The following GNA14 variants were observed in gnomAD, a reference collection of about 807,000 sequenced individuals.
GNA14 encodes guanine nucleotide-binding protein subunit alpha-14.
A neutral mutation model predicts 42.0 loss-of-function variants in GNA14; 50 were observed. The observed-to-expected ratio is 1.19, with a 90% CI of 0.95 to 1.51. The LOEUF (loss-of-function observed/expected upper bound fraction) is 1.51, where lower values mean the gene tolerates loss of function less well. Ranked by LOEUF, GNA14 falls within the 40% of genes most tolerant of loss-of-function variation. The pLI, the probability that GNA14 is intolerant of heterozygous loss-of-function variation, is 0.00. For missense variants in GNA14, 473 were observed against 446.2 expected (o/e 1.06, Z -0.54); for synonymous variants, 173 against 163.1 (o/e 1.06, Z -0.46).
chr9:77,559,316 G>T (rs1822843017), intron 1 of GNA14, among the ~76,000 whole-genome samples: 1 of 152,196 alleles, frequency 6.6e-6, no homozygotes, highest in Non-Finnish European at 1.5e-5. Flanking sequence ...GAGGGCTCTG[G>T]CTGGGAAGTA....
chr9:77,482,244 G>C (rs528273778), intron 2 of GNA14, among the ~76,000 whole-genome samples: 2 of 151,790 alleles, frequency 1.3e-5, no homozygotes, highest in Non-Finnish European at 1.5e-5. Flanking sequence ...GGGCAGGCCT[G>C]GTGGTGACAA....
rs576994454 is a variant in GNA14 at position 77,636,707 on chromosome 9, A to C, written c.124+10963T>G. ...GAACAACCAGCTCTCTCAAGAATAC[A>C]GTGAGAACTCACTCCCAAGGGAGGG... On this transcript the variant is annotated intron_variant, in intron 1 of 6. Coordinates refer to ENST00000341700, the MANE Select transcript of GNA14 (RefSeq NM_004297.4). Among the ~76,000 whole-genome samples the C allele has an allele frequency of 5.3e-5, 8 of 152,314 alleles. No individual in the cohort carries two copies. The East Asian group carries it at 1.5e-3, about 29-fold the overall frequency.
intron 2 of GNA14, among the ~76,000 whole-genome samples, chr9:77,438,022 T>C (rs1283551826): frequency 1.3e-5 from 2 of 152,046 alleles, no homozygotes; most frequent in African/African-American, 4.8e-5. Flanking sequence ...AGCTTCTACA[T>C]GAAAAATGGG....
intron 2 of GNA14, among the ~76,000 whole-genome samples, chr9:77,504,248 T>C (rs73458072): frequency 0.032 from 4,798 of 152,218 alleles, 228 homozygotes; most frequent in African/African-American, 0.11. Context: ...TCAAGGGCCC[T>C]TATAAACGCG....
At chr9:77,452,785 G>T (rs909871485) in intron 2 of GNA14, among the ~76,000 whole-genome samples, 3 of 151,380 alleles carry the variant, frequency 2.0e-5, no homozygotes, top group Non-Finnish European at 4.4e-5. Flanking sequence ...GGGCTTCTGA[G>T]TGGGGACTAG....
intron 2 of GNA14, among the ~76,000 whole-genome samples, chr9:77,523,365 C>G (rs964904038): frequency 6.6e-5 from 10 of 152,122 alleles, no homozygotes; most frequent in Admixed American, 5.9e-4. Flanking sequence ...ATGGCCAGAG[C>G]AGGAACAAGG....
chr9:77,441,582 G>A (rs887481817), intron 2 of GNA14, among the ~76,000 whole-genome samples: 2 of 152,108 alleles, frequency 1.3e-5, no homozygotes, highest in African/African-American at 4.8e-5. Flanking sequence ...AAAAATAAGT[G>A]AGATTAAGAT....
At chr9:77,502,517 C>T (rs77601434) in intron 2 of GNA14, among the ~76,000 whole-genome samples, 1,791 of 152,278 alleles carry the variant, frequency 0.012, 44 homozygotes, top group African/African-American at 0.04. Context: ...CTGGCCTCCA[C>T]TGAGACCTCC....
At chr9:77,507,299 A>G (rs1327856293) in intron 2 of GNA14, among the ~76,000 whole-genome samples, 2 of 152,232 alleles carry the variant, frequency 1.3e-5, no homozygotes, top group African/African-American at 4.8e-5. Context: ...TTCCTACATA[A>G]AAGTCCAAAT....
intron 1 of GNA14, 146 bp from the exon 2 acceptor site, chr9:77,529,399 C>A: frequency 1.4e-6 from 1 of 697,008 alleles, no homozygotes; most frequent in South Asian, 1.7e-5. Context: ...AATGGTTATG[C>A]AGTTTTCGGT....
intron 1 of GNA14, among the ~76,000 whole-genome samples, chr9:77,594,670 G>T (rs1823436432): frequency 6.6e-6 from 1 of 152,186 alleles, no homozygotes; most frequent in Admixed American, 6.5e-5. Context: ...TCTCTAAAAG[G>T]TGAAAGGACT....
At chr9:77,619,684 G>C (rs1382684639) in intron 1 of GNA14, among the ~76,000 whole-genome samples, 3 of 152,176 alleles carry the variant, frequency 2.0e-5, no homozygotes, top group African/African-American at 4.8e-5. Context: ...AGGATGAAAT[G>C]AACTGATAGA....
chr9:77,566,588 C>T (rs1024260894), intron 1 of GNA14, among the ~76,000 whole-genome samples: 1 of 152,126 alleles, frequency 6.6e-6, no homozygotes, highest in Non-Finnish European at 1.5e-5. Context: ...AGAGAATATT[C>T]AAATTAATCT....
At chr9:77,477,695 T>A (rs901212388) in intron 2 of GNA14, among the ~76,000 whole-genome samples, 3 of 152,114 alleles carry the variant, frequency 2.0e-5, no homozygotes, top group African/African-American at 7.2e-5. Context: ...AAAATGAAGC[T>A]ATTTGAGGGA....
At chr9:77,488,072 T>C (rs1836691940) in intron 2 of GNA14, among the ~76,000 whole-genome samples, 1 of 152,030 alleles carries the variant, frequency 6.6e-6, no homozygotes, top group Non-Finnish European at 1.5e-5. Context: ...CAGGCCAAAA[T>C]AGCAGTGTAG....
chr9:77,468,070 C>T (rs1395802003), intron 2 of GNA14, among the ~76,000 whole-genome samples: 3 of 152,196 alleles, frequency 2.0e-5, no homozygotes, highest in East Asian at 1.9e-4. Context: ...ACACTGGCAG[C>T]GTGCCCCTCT....
intron 1 of GNA14, among the ~76,000 whole-genome samples, chr9:77,602,876 A>G (rs978884769): frequency 6.6e-6 from 1 of 152,152 alleles, no homozygotes. Flanking sequence ...GAAATTCTCT[A>G]TAACTTTTGC....
At chr9:77,645,516 T>C (rs1462338582) in intron 1 of GNA14, among the ~76,000 whole-genome samples, 1 of 152,188 alleles carries the variant, frequency 6.6e-6, no homozygotes, top group Non-Finnish European at 1.5e-5. Context: ...TAAGGGGATA[T>C]GCTAGTCACA....
chr9:77,479,546 C>A (rs555841805), intron 2 of GNA14, among the ~76,000 whole-genome samples: 172 of 152,214 alleles, frequency 1.1e-3, no homozygotes, highest in African/African-American at 3.8e-3. Context: ...GTAGTTTTAT[C>A]CAATTCTTTG....
Sources: gnomAD v4.1 joint callset for allele counts (sites outside exome capture counted in the v4.1 genomes callset) on GRCh38, gnomAD v4.1.1 for gene constraint, MANE v1.5 for transcripts, NCBI Gene and HGNC (gene_info 2026-07-23, HGNC 2026-07-21) for gene names.